Variants in PCP2 observed in about 807,000 individuals in gnomAD.
PCP2 encodes the protein Purkinje cell protein 2 homolog.
Under a neutral mutation model 18.3 loss-of-function variants are expected in PCP2, and 21 were observed. The ratio of observed to expected loss-of-function variants is 1.14; its 90% confidence interval spans 0.81 to 1.65. The LOEUF (loss-of-function observed/expected upper bound fraction) is 1.65. Among genes scored for constraint, PCP2 ranks in the 40% most tolerant of loss-of-function variants. The pLI is 0.00. For synonymous variants in PCP2, 85 were observed against 77.6 expected (o/e 1.10, Z -0.50); for missense variants, 202 against 201.8 (o/e 1.00, Z 0.00).
At position 7,632,501 on chromosome 19, in the gene PCP2, G is replaced by T. The variant is rs367545215; in HGVS notation, c.183C>A (p.Pro61=). The T allele has an allele frequency of 1.2e-6, 2 of 1,613,414 alleles. No homozygotes were observed. Among genetic ancestry groups the T allele is most frequent in the African/African-American group, 2.7e-5 (2 of 75,022 alleles). Residue 61 remains proline (P), a synonymous_variant, in exon 3 of 4, where the codon CCC becomes CCA. Transcript: ENST00000311069. The surrounding 1 kb of genome is among the most constrained non-coding windows in gnomAD (Gnocchi z 5.2). The part of the protein sequence containing the change: ...QTTKSQSDPT[P]EMDSLMDMLA... ...GCATGTCCATGAGGCTGTCCATCTC[G>T]GGGGTGGGGTCGCTCTCTGCGTGGA...
In PCP2 at chr19:7,632,724, G is replaced by A. The variant is rs1335249398; in HGVS notation, c.158C>T (p.Thr53Ile). Reference sequence around the variant, plus strand: ...CCCGTGCCCATGCTCACGGCTCTTGGTGGTCTGGCCCGGCCCGGCTTGCAG... The same window carrying A: ...CCCGTGCCCATGCTCACGGCTCTTGATGGTCTGGCCCGGCCCGGCTTGCAG... ...CSLQAGPGQT[T>I]KSQSDPTPEM... is the part of the protein sequence containing the mutation. Residue 53 changes from threonine (T) to isoleucine (I), a missense_variant, in exon 2 of 4, where the codon ACC (threonine) becomes ATC (isoleucine). Transcript: ENST00000311069. The surrounding 1 kb of genome is among the most constrained non-coding windows in gnomAD (Gnocchi z 5.2). 1 of 1,559,736 alleles carries A rather than the reference G, an allele frequency of 6.4e-7. No individual in the cohort carries two copies. The highest frequency in any genetic ancestry group is 1.9e-5 in the Admixed American group (1 of 53,528).
At chr19:7,633,230 C>T (rs1354549601) in intron 1 of PCP2, among the ~76,000 whole-genome samples, 177 bp downstream of exon 1, 3 of 152,252 alleles carry the variant, frequency 2.0e-5, no homozygotes, top group African/African-American at 4.8e-5. Flanking sequence ...GCCCTGCCCT[C>T]TGCCCTGGGG....
upstream of PCP2, among the ~76,000 whole-genome samples, chr19:7,634,197 A>G (rs2146198696): frequency 6.6e-6 from 1 of 152,316 alleles, no homozygotes; most frequent in Middle Eastern, 3.4e-3. Context: ...CCCTGGGGAC[A>G]GAGGCAGGCG....
At position 7,632,104 on chromosome 19, in the gene PCP2, G is replaced by A; in HGVS notation, c.291+289C>T. The A allele has an allele frequency of 1.8e-6, 1 of 565,412 alleles. No individual in the cohort carries two copies. Among genetic ancestry groups the A allele is most frequent in the East Asian group, 2.9e-5 (1 of 34,078 alleles). The allele number at this position is 565,412 out of a possible 1,614,324, so 35.0% of individuals were successfully genotyped here. A position where few individuals can be genotyped will look rare whatever the true frequency, so the allele number is the denominator to read the frequency against. ...GTGAGCTTACGTGACTTCCTCCCTG[G>A]GATACTTTCCTAGGAAGGGGTCCTA... is the stretch of plus-strand genomic sequence containing the variant. On this transcript the variant is annotated intron_variant, in intron 3 of 3. Transcript: ENST00000311069. This position sits in a 1 kb window ranked among gnomAD's most constrained non-coding sequence, Gnocchi z 5.2.
chr19:7,632,872 G>A lies in PCP2; in HGVS notation c.52-42C>T. ...TCAGTCTGGTTGGCCCTTCAGCTTG[G>A]GGGCCCCTCCCCAAACTTCCTAGCC... On this transcript the variant is annotated intron_variant, in intron 1 of 3. Transcript: ENST00000311069. The surrounding 1 kb of genome is among the most constrained non-coding windows in gnomAD (Gnocchi z 5.2). The A allele has an allele frequency of 1.3e-6, 2 of 1,535,586 alleles. No homozygotes were observed. Among genetic ancestry groups the A allele is most frequent in the Non-Finnish European group, 8.7e-7 (1 of 1,143,578 alleles).
intron 1 of PCP2, chr19:7,633,102 G>C (rs140850492): frequency 1.8e-6 from 2 of 1,113,006 alleles, no homozygotes; most frequent in Non-Finnish European, 2.5e-6. Flanking sequence ...GTGTCCCGCC[G>C]TCCTAGATTG....
intron 1 of PCP2, chr19:7,633,090 G>C: frequency 1.7e-6 from 2 of 1,195,952 alleles, no homozygotes; most frequent in Non-Finnish European, 2.3e-6. Context: ...AGGCTCCGAT[G>C]CGTGTCCCGC....
Position 7,631,971 on chromosome 19 carries a change from T to G in PCP2, c.292-163A>C, listed in dbSNP as rs1330713291. The stretch of plus-strand genomic sequence containing the variant: ...TCTGCCATTTAGGGTGGCATTTGAG[T>G]GTGAGGTGGCAGGTCTTGGGGCCCT... On this transcript the variant is annotated intron_variant, in intron 3 of 3. Coordinates refer to ENST00000311069, the MANE Select transcript of PCP2 (RefSeq NM_174895.3). The G allele has an allele frequency of 2.7e-5, 19 of 706,778 alleles. No individual in the cohort carries two copies. In the Admixed American group the frequency reaches 6.8e-4, roughly 25 times the overall value. 43.8% of individuals were successfully genotyped at this position (706,778 alleles called of 1,614,324 possible). A position where few individuals can be genotyped will look rare whatever the true frequency, so the allele number is the denominator to read the frequency against.
upstream of PCP2, chr19:7,636,971 C>G (rs183762216): frequency 1.5e-5 from 9 of 594,868 alleles, no homozygotes; most frequent in Non-Finnish European, 2.2e-5. Context: ...CGCACCTGCC[C>G]GTCCTCCCCG....
chr19:7,636,074 T>C (rs2031519812), upstream of PCP2, among the ~76,000 whole-genome samples: 1 of 152,176 alleles, frequency 6.6e-6, no homozygotes, highest in South Asian at 2.1e-4. Context: ...CACCCCTACC[T>C]TCTGTGGCAC....
chr19:7,635,690 G>A (rs911790354), upstream of PCP2, among the ~76,000 whole-genome samples: 15 of 152,000 alleles, frequency 9.9e-5, no homozygotes, highest in African/African-American at 2.7e-4. Flanking sequence ...AGCGAGACCC[G>A]TCTCTTTACA....
chr19:7,632,326 G>A lies in PCP2; in HGVS notation c.291+67C>T, dbSNP rs2031347082. 2 of 1,594,868 alleles carry A rather than the reference G, an allele frequency of 1.3e-6. No homozygotes were observed. The highest frequency in any genetic ancestry group is 2.2e-5 in the East Asian group (1 of 44,742). On this transcript the variant is annotated intron_variant, in intron 3 of 3. Transcript: ENST00000311069. The surrounding 1 kb of genome is among the most constrained non-coding windows in gnomAD (Gnocchi z 5.2). Reference sequence around the variant, plus strand: ...CAGGCCCTGTTCCCTCCTGGCTGGGGTGGAGGGCAGGATCGGAGAGCACTG... The same window carrying A: ...CAGGCCCTGTTCCCTCCTGGCTGGGATGGAGGGCAGGATCGGAGAGCACTG...
In PCP2 at chr19:7,633,426, C is replaced by T. The variant is rs1251387207; in HGVS notation, c.32G>A (p.Gly11Asp). MMDQEEKTEE[G>D]SGPCAEAGSP... ...TCTCACCTCGGCACAGGGGCCTGAGCCTTCCTCCGTCTTCTCCTCCTGATC... is the reference window on the plus strand; with the variant it reads ...TCTCACCTCGGCACAGGGGCCTGAGTCTTCCTCCGTCTTCTCCTCCTGATC... The change falls in exon 1 of 4, where the codon GGC (glycine) becomes GAC (aspartate). Residue 11 changes from glycine to aspartate, a missense_variant. By Grantham distance (94) the Gly-to-Asp change is moderately conservative. Transcript: ENST00000311069. 1.3e-6 allele frequency: 2 copies of T among 1,575,836 alleles called. No individual in the cohort carries two copies. The highest frequency in any genetic ancestry group is 1.7e-6 in the Non-Finnish European group (2 of 1,159,720).
chr19:7,634,318 GCC>G (rs2031449141), upstream of PCP2, among the ~76,000 whole-genome samples: 1 of 152,066 alleles, frequency 6.6e-6, no homozygotes, highest in Non-Finnish European at 1.5e-5. Flanking sequence ...TCCCCAAGAC[GCC>G]TTTACGGAAA....
rs2031427318 is a variant in PCP2, at chr19:7,633,616, A to T, written c.-159T>A. On this transcript the variant is annotated 5_prime_UTR_variant, in exon 1 of 4. Coordinates refer to ENST00000311069, the MANE Select transcript of PCP2 (RefSeq NM_174895.3). ...CCACCCAAGCTTAAGCCCCATAAAG[A>T]TCATCCAGATAATTGTTTGCCCACA... The T allele has an allele frequency of 1.5e-6, 1 of 683,434 alleles. No homozygotes were observed. Among genetic ancestry groups the T allele is most frequent in the Middle Eastern group, 3.6e-4 (1 of 2,750 alleles). The allele number at this position is 683,434 out of a possible 1,614,324, so 42.3% of individuals were successfully genotyped here.
chr19:7,631,857 G>A (rs776494959), intron 3 of PCP2, 49 bp from the exon 4 acceptor site: 12 of 1,368,906 alleles, frequency 8.8e-6, no homozygotes, highest in African/African-American at 5.9e-5. Flanking sequence ...GGGCAGTGCC[G>A]GCCACAGGTG....
upstream of PCP2, chr19:7,633,786 G>A (rs1208927854): frequency 5.4e-6 from 2 of 368,652 alleles, no homozygotes; most frequent in African/African-American, 4.2e-5. Context: ...GTTGGAGAAG[G>A]GAGGCCAACA....
chr19:7,635,855 A>G (rs1234411657), upstream of PCP2, among the ~76,000 whole-genome samples: 1 of 152,196 alleles, frequency 6.6e-6, no homozygotes, highest in Non-Finnish European at 1.5e-5. Flanking sequence ...AAAGTCCTGC[A>G]TCCTGGCACT....
In PCP2 at chr19:7,632,886, A is replaced by C. The variant is rs1396570357; in HGVS notation, c.52-56T>G. On this transcript the variant is annotated intron_variant, in intron 1 of 3. Coordinates refer to ENST00000311069, the MANE Select transcript of PCP2 (RefSeq NM_174895.3). The surrounding 1 kb of genome is among the most constrained non-coding windows in gnomAD (Gnocchi z 5.2). ...CCTTCAGCTTGGGGGCCCCTCCCCA[A>C]ACTTCCTAGCCAGCTTGCTCACACC... The C allele has an allele frequency of 1.3e-6, 2 of 1,532,114 alleles. No individual in the cohort carries two copies. The highest frequency in any genetic ancestry group is 1.7e-4 in the Middle Eastern group (1 of 5,962). The allele number at this position is 1,532,114 out of a possible 1,614,324, so 94.9% of individuals were successfully genotyped here.
Sources: gnomAD v4.1 joint callset for allele counts (sites outside exome capture counted in the v4.1 genomes callset) on GRCh38, gnomAD v4.1.1 for gene constraint, Gnocchi (gnomAD v3.1) non-coding constraint, MANE v1.5 for transcripts, NCBI Gene and HGNC (gene_info 2026-07-23, HGNC 2026-07-21) for gene names.